The following SLC12A2 variants were observed in gnomAD, a reference collection of about 807,000 sequenced individuals.
SLC12A2 encodes the protein Na-K-2Cl cotransporter 1.
Under a neutral mutation model 136.3 loss-of-function variants are expected in SLC12A2, and 67 were observed. That is an observed-to-expected ratio of 0.49 (90% CI 0.40 to 0.60). The LOEUF is 0.60. Among genes scored for constraint, SLC12A2 ranks in the 20% least tolerant of loss-of-function variants. The pLI is 0.00. For synonymous variants in SLC12A2, 619 were observed against 562.9 expected (o/e 1.10, Z -1.41); for missense variants, 1,322 against 1,534.7 (o/e 0.86, Z 2.32).
intron 17 of SLC12A2, among the ~76,000 whole-genome samples, chr5:128,166,171 T>A (rs1423882941): frequency 6.6e-6 from 1 of 152,090 alleles, no homozygotes; most frequent in Non-Finnish European, 1.5e-5. Context: ...ATATTTGAAT[T>A]AATTTTTTTT....
At chr5:128,086,515 C>T (rs892747509) in intron 1 of SLC12A2, among the ~76,000 whole-genome samples, 6 of 152,100 alleles carry the variant, frequency 3.9e-5, no homozygotes, top group African/African-American at 1.4e-4. Flanking sequence ...TATATTGGCC[C>T]TTCAGAAGAC....
At position 128,139,265 on chromosome 5, in the gene SLC12A2, GTTAT is replaced by G. The variant is rs534944123; in HGVS notation, c.1621+364_1621+367del. ...CAAATTTCTGTATTTTTTTAAGATG[GTTAT>G]TTATTTTTTTTTTTTACAGTATATG... On this transcript the variant is annotated intron_variant, in intron 9 of 26. Transcript: ENST00000262461. Among the ~76,000 whole-genome samples, 577 of 151,168 alleles carry G rather than the reference GTTAT, an allele frequency of 3.8e-3. 4 individuals carry two copies. Among genetic ancestry groups the G allele is most frequent in the African/African-American group, 0.013 (551 of 41,072 alleles).
intron 18 of SLC12A2, chr5:128,168,202 A>T (rs987556463): frequency 1.2e-5 from 2 of 165,604 alleles, no homozygotes; most frequent in African/African-American, 4.8e-5. Flanking sequence ...GAGTTCCCAA[A>T]TGTCAGACCC....
chr5:128,160,489 G>A (rs888718751), intron 16 of SLC12A2, among the ~76,000 whole-genome samples: 6 of 151,968 alleles, frequency 3.9e-5, no homozygotes, highest in South Asian at 4.1e-4. Context: ...AAATATCTCC[G>A]GGGGAAGTAA....
At chr5:128,170,573 G>A (rs910979412) in intron 18 of SLC12A2, 1 of 151,994 alleles carries the variant, frequency 6.6e-6, no homozygotes, top group Non-Finnish European at 1.5e-5. Flanking sequence ...TGTCTACATT[G>A]AATACTTATT....
At chr5:128,094,531 C>T (rs1446712337) in intron 1 of SLC12A2, among the ~76,000 whole-genome samples, 2 of 151,766 alleles carry the variant, frequency 1.3e-5, no homozygotes, top group Non-Finnish European at 2.9e-5. Flanking sequence ...TGCATAAGCT[C>T]TTGTTATTTT....
chr5:128,127,666 T>G (rs1761866560), intron 4 of SLC12A2, among the ~76,000 whole-genome samples: 1 of 152,110 alleles, frequency 6.6e-6, no homozygotes, highest in South Asian at 2.1e-4. Context: ...CTGCCACATT[T>G]TGTTTTTCAA....
At chr5:128,178,745 G>C (rs1357546143) in intron 22 of SLC12A2, 56 bp downstream of exon 22, 1 of 1,361,168 alleles carries the variant, frequency 7.3e-7, no homozygotes, top group Non-Finnish European at 9.8e-7. Flanking sequence ...TGTGAGAATA[G>C]TAAGAAATGA....
intron 16 of SLC12A2, among the ~76,000 whole-genome samples, chr5:128,160,502 T>G (rs184060261): frequency 1.3e-5 from 2 of 152,276 alleles, no homozygotes; most frequent in Admixed American, 1.3e-4. Context: ...GGAAGTAATA[T>G]CTCTGGTATG....
At position 128,084,104 on chromosome 5, in the gene SLC12A2, C is replaced by G. The variant is rs1759941192; in HGVS notation, c.150C>G (p.Ser50Arg). ...PSVPEDAAPA[S>R]RDGGGVRDEG... is the part of the protein sequence containing the mutation. ...TGCCGGAGGATGCTGCGCCCGCGAG[C>G]CGGGACGGCGGCGGGGTCCGCGATG... The change falls in exon 1 of 27, where the codon AGC becomes AGG. Residue 50 changes from serine to arginine, a missense_variant. Ser to Arg is a moderately radical substitution (Grantham distance 110, BLOSUM62 -1). Transcript: ENST00000262461. This position sits in a 1 kb window ranked among gnomAD's most constrained non-coding sequence, Gnocchi z 5.6. 7.6e-7 allele frequency: 1 copy of G among 1,313,194 alleles called. No individual in the cohort carries two copies. The highest frequency in any genetic ancestry group is 1.5e-5 in the African/African-American group (1 of 65,116). The allele number at this position is 1,313,194 out of a possible 1,614,324, so 81.3% of individuals were successfully genotyped here. A position where few individuals can be genotyped will look rare whatever the true frequency, so the allele number is the denominator to read the frequency against.
chr5:128,166,715 G>C (rs1008552372), intron 17 of SLC12A2, among the ~76,000 whole-genome samples: 5 of 152,008 alleles, frequency 3.3e-5, no homozygotes, highest in Admixed American at 6.6e-5. Flanking sequence ...GATGAAAAAT[G>C]TTTAGAAATA....
At chr5:128,085,277 C>T (rs1225578340) in intron 1 of SLC12A2, among the ~76,000 whole-genome samples, 1 of 151,582 alleles carries the variant, frequency 6.6e-6, no homozygotes, top group East Asian at 1.9e-4. Flanking sequence ...TGTCTTGGGA[C>T]ACGCTGTTCC....
At chr5:128,161,463 C>G (rs1418135417) in intron 16 of SLC12A2, among the ~76,000 whole-genome samples, 197 bp from the exon 17 acceptor site, 2 of 152,050 alleles carry the variant, frequency 1.3e-5, no homozygotes, top group Non-Finnish European at 2.9e-5. Context: ...ATCCCTGTGC[C>G]TTAGCTATTC....
intron 4 of SLC12A2, among the ~76,000 whole-genome samples, chr5:128,117,082 C>G (rs552177037): frequency 6.6e-6 from 1 of 152,310 alleles, no homozygotes; most frequent in African/African-American, 2.4e-5. Flanking sequence ...ATGACCAGCT[C>G]AGTGGCAATA....
chr5:128,102,101 C>T (rs1457576432), intron 1 of SLC12A2, among the ~76,000 whole-genome samples: 1 of 151,754 alleles, frequency 6.6e-6, no homozygotes, highest in Non-Finnish European at 1.5e-5. Context: ...AATAGTAGAT[C>T]ACTTATTTGT....
chr5:128,105,310 A>G (rs1323055178), intron 1 of SLC12A2, among the ~76,000 whole-genome samples: 1 of 152,212 alleles, frequency 6.6e-6, no homozygotes, highest in African/African-American at 2.4e-5. Flanking sequence ...GTCTGGTACG[A>G]TAACCATGGA....
chr5:128,122,725 G>A (rs538003705), intron 4 of SLC12A2, among the ~76,000 whole-genome samples: 16 of 152,150 alleles, frequency 1.1e-4, no homozygotes, highest in African/African-American at 3.9e-4. Flanking sequence ...ACAGAAAAGT[G>A]CTTTCTGCAT....
At chr5:128,168,980 A>AGG (rs1314729222) in intron 18 of SLC12A2, 3 of 152,128 alleles carry the variant, frequency 2.0e-5, no homozygotes, top group African/African-American at 4.8e-5. Context: ...GTGGATGTTT[A>AGG]ATGTAATCTA....
At chr5:128,119,338 ATTATGT>A (rs373774667) in intron 4 of SLC12A2, among the ~76,000 whole-genome samples, 5 of 152,232 alleles carry the variant, frequency 3.3e-5, no homozygotes, top group Non-Finnish European at 7.3e-5. Context: ...GTTGGGGAAC[ATTATGT>A]TTATTGTTTA....
Sources: gnomAD v4.1 joint callset for allele counts (sites outside exome capture counted in the v4.1 genomes callset) on GRCh38, gnomAD v4.1.1 for gene constraint, Gnocchi (gnomAD v3.1) non-coding constraint, MANE v1.5 for transcripts, NCBI Gene and HGNC (gene_info 2026-07-23, HGNC 2026-07-21) for gene names.